The following GSK3B variants were observed in gnomAD, a reference collection of about 807,000 sequenced individuals.
GSK3B encodes glycogen synthase kinase-3 beta.
A neutral mutation model predicts 56.4 loss-of-function variants in GSK3B; 15 were observed. That is an observed-to-expected ratio of 0.27 (90% CI 0.18 to 0.41). The LOEUF (loss-of-function observed/expected upper bound fraction) is 0.41. Ranked by LOEUF, GSK3B falls within the 10% of genes least tolerant of loss-of-function variation. GSK3B has a pLI of 1.00. For missense variants in GSK3B, 300 were observed against 513.4 expected (o/e 0.58, Z 4.02); for synonymous variants, 181 against 188.9 (o/e 0.96, Z 0.34).
chr3:120,090,758 G>A (rs334559), intron 1 of GSK3B, among the ~76,000 whole-genome samples: 41,934 of 151,952 alleles, frequency 0.28, 7,459 homozygotes, highest in African/African-American at 0.51. Context: ...ATCATCTTAC[G>A]TCTTATTCAG....
intron 10 of GSK3B, among the ~76,000 whole-genome samples, 199 bp from the exon 11 acceptor site, chr3:119,827,054 TG>T (rs1244680631): frequency 6.6e-6 from 1 of 152,220 alleles, no homozygotes; most frequent in Non-Finnish European, 1.5e-5. Context: ...AGCATGGTCC[TG>T]GTACCGGGAA....
intron 2 of GSK3B, among the ~76,000 whole-genome samples, chr3:119,964,051 T>C (rs376909848): frequency 1.3e-4 from 20 of 152,106 alleles, no homozygotes; most frequent in African/African-American, 4.8e-4. Flanking sequence ...AAAGAAACCA[T>C]CAACAGAGTA....
intron 7 of GSK3B, among the ~76,000 whole-genome samples, chr3:119,885,078 C>A (rs1057180724): frequency 1.3e-5 from 2 of 151,848 alleles, no homozygotes; most frequent in African/African-American, 4.8e-5. Context: ...TGATTCTATA[C>A]CTAGAAAGCC....
chr3:119,951,901 T>G (rs2057160407), intron 2 of GSK3B, among the ~76,000 whole-genome samples: 1 of 150,812 alleles, frequency 6.6e-6, no homozygotes, highest in African/African-American at 2.4e-5. Flanking sequence ...TTGAAACACA[T>G]TATAACAAAA....
intron 10 of GSK3B, among the ~76,000 whole-genome samples, chr3:119,836,352 T>C (rs1259035198): frequency 6.6e-6 from 1 of 152,156 alleles, no homozygotes; most frequent in African/African-American, 2.4e-5. Context: ...ATCCAAATGT[T>C]ATCATGACTC....
chr3:119,914,090 CCT>C (rs1401542865), intron 5 of GSK3B, among the ~76,000 whole-genome samples: 2 of 152,036 alleles, frequency 1.3e-5, no homozygotes, highest in Admixed American at 1.3e-4. Context: ...AACGGAGCAG[CCT>C]CTCTTACAGA....
chr3:120,005,468 A>G (rs548773785), intron 1 of GSK3B, among the ~76,000 whole-genome samples: 7 of 151,230 alleles, frequency 4.6e-5, no homozygotes, highest in East Asian at 3.9e-4. Flanking sequence ...CCCAAGACAC[A>G]TAATTGTCAG....
intron 1 of GSK3B, among the ~76,000 whole-genome samples, chr3:120,025,293 T>C (rs947002830): frequency 6.6e-5 from 10 of 152,172 alleles, no homozygotes; most frequent in Admixed American, 6.5e-4. Flanking sequence ...GCAATGAGCC[T>C]GGGTGACAGA....
intron 2 of GSK3B, among the ~76,000 whole-genome samples, chr3:119,964,956 C>T (rs770224772): frequency 6.6e-6 from 1 of 151,426 alleles, no homozygotes; most frequent in Admixed American, 6.6e-5. Flanking sequence ...TAGGGAAGGC[C>T]GATCTAAAAG....
chr3:119,976,625 T>C (rs1229215682), intron 2 of GSK3B, among the ~76,000 whole-genome samples: 1 of 152,094 alleles, frequency 6.6e-6, no homozygotes, highest in African/African-American at 2.4e-5. Context: ...TGGAATTAGA[T>C]AGTAGTGATA....
Position 119,863,422 on chromosome 3 carries a change from G to C in GSK3B, c.1093C>G (p.Gln365Glu). 6.2e-7 allele frequency: 1 copy of C among 1,612,248 alleles called. No homozygotes were observed. The highest frequency in any genetic ancestry group is 8.5e-7 in the Non-Finnish European group (1 of 1,178,306). Residue 365 changes from glutamine (Q) to glutamate (E), a missense_variant, in exon 9 of 11, where the codon CAA becomes GAA. Coordinates refer to ENST00000264235, the MANE Select transcript of GSK3B (RefSeq NM_001146156.2). ...DTPALFNFTT[Q>E]ELSSNPPLAT... is the part of the protein sequence containing the mutation. The stretch of plus-strand genomic sequence containing the variant: ...GAGGCTAAGTGTTTGGAGTTACCTT[G>C]AGTGGTGAAGTTGAAGAGTGCAGGT...
intron 7 of GSK3B, among the ~76,000 whole-genome samples, chr3:119,905,489 AG>A (rs1371465816): frequency 6.6e-6 from 1 of 152,098 alleles, no homozygotes; most frequent in Non-Finnish European, 1.5e-5. Flanking sequence ...TTTGCTTTTA[AG>A]TACTTTAAAT....
chr3:120,080,147 C>A, intron 1 of GSK3B, among the ~76,000 whole-genome samples: 1 of 151,924 alleles, frequency 6.6e-6, no homozygotes. Context: ...AAAAATGAGC[C>A]AGGCATGGTA....
intron 2 of GSK3B, among the ~76,000 whole-genome samples, chr3:119,995,670 C>T (rs77531822): frequency 0.11 from 16,923 of 151,640 alleles, 1,104 homozygotes; most frequent in African/African-American, 0.19. Flanking sequence ...GTGATCCACC[C>T]GCCTCGGCCT....
intron 2 of GSK3B, among the ~76,000 whole-genome samples, chr3:119,980,840 TGGAAAAA>T (rs1266381692): frequency 6.6e-6 from 1 of 152,192 alleles, no homozygotes; most frequent in African/African-American, 2.4e-5. Context: ...GGAGAAGTTA[TGGAAAAA>T]GAATCTTATA....
At chr3:119,872,840 GTT>G (rs1313527817) in intron 8 of GSK3B, among the ~76,000 whole-genome samples, 1 of 152,106 alleles carries the variant, frequency 6.6e-6, no homozygotes, top group African/African-American at 2.4e-5. Flanking sequence ...TAGGAGCAGT[GTT>G]TAAACTAGAT....
intron 2 of GSK3B, among the ~76,000 whole-genome samples, chr3:120,001,360 C>T (rs769903329): frequency 2.0e-5 from 3 of 152,038 alleles, no homozygotes; most frequent in African/African-American, 4.8e-5. Context: ...GGCAAAACCC[C>T]GTTTCTACAA....
intron 8 of GSK3B, among the ~76,000 whole-genome samples, chr3:119,870,860 C>A (rs2056242190): frequency 6.6e-6 from 1 of 152,044 alleles, no homozygotes; most frequent in Admixed American, 6.6e-5. Context: ...GCTTAGGAGC[C>A]AATAGAAATC....
chr3:119,837,181 G>C (rs1216029800), intron 10 of GSK3B, among the ~76,000 whole-genome samples: 2 of 152,162 alleles, frequency 1.3e-5, no homozygotes, highest in African/African-American at 2.4e-5. Flanking sequence ...TTTGAGAGCA[G>C]TCTTGCTCTG....
Sources: gnomAD v4.1 joint callset for allele counts (sites outside exome capture counted in the v4.1 genomes callset) on GRCh38, gnomAD v4.1.1 for gene constraint, MANE v1.5 for transcripts, NCBI Gene and HGNC (gene_info 2026-07-23, HGNC 2026-07-21) for gene names.